The following CALN1 variants were observed in gnomAD, a reference collection of about 807,000 sequenced individuals.
CALN1 encodes calcium-binding protein 8.
In CALN1, 17 loss-of-function variants were observed where a neutral mutation model predicts 30.6. The ratio of observed to expected loss-of-function variants is 0.56; its 90% CI spans 0.38 to 0.83. The LOEUF is 0.83. Ranked by LOEUF, CALN1 falls within the 40% of genes least tolerant of loss-of-function variation. CALN1 has a pLI of 0.00. For missense variants in CALN1, 291 were observed against 354.9 expected (o/e 0.82, Z 1.45); for synonymous variants, 156 against 131.4 (o/e 1.19, Z -1.28).
At chr7:72,324,018 ACT>A (rs1171496853) in intron 2 of CALN1, among the ~76,000 whole-genome samples, 1 of 151,724 alleles carries the variant, frequency 6.6e-6, no homozygotes, top group African/African-American at 2.4e-5. Context: ...ACAGAGTGAG[ACT>A]CTGGGTTTTT....
chr7:72,198,166 G>C (rs535455324), intron 3 of CALN1, among the ~76,000 whole-genome samples: 92 of 152,300 alleles, frequency 6.0e-4, no homozygotes, highest in Middle Eastern at 3.4e-3. Flanking sequence ...AACATGCTTA[G>C]AAGGAAGAGG....
At chr7:72,450,308 T>A (rs973214482), upstream of CALN1, among the ~76,000 whole-genome samples, 1 of 152,168 alleles carries the variant, frequency 6.6e-6, no homozygotes, top group Non-Finnish European at 1.5e-5. Flanking sequence ...CATCTTCTCT[T>A]CCCCTTAAAG....
chr7:72,379,471 T>C (rs1260161514), intron 2 of CALN1, among the ~76,000 whole-genome samples: 2 of 152,346 alleles, frequency 1.3e-5, no homozygotes, highest in African/African-American at 2.4e-5. Flanking sequence ...ACAACAGATA[T>C]ACCAGAAAAG....
At chr7:72,372,815 G>A (rs893400240) in intron 2 of CALN1, among the ~76,000 whole-genome samples, 3 of 152,056 alleles carry the variant, frequency 2.0e-5, no homozygotes, top group African/African-American at 7.2e-5. Flanking sequence ...CCTGAATCAC[G>A]TAACAAAATA....
chr7:72,218,306 G>C (rs917310630), intron 3 of CALN1, among the ~76,000 whole-genome samples: 5 of 151,772 alleles, frequency 3.3e-5, no homozygotes, highest in Admixed American at 6.6e-5. Flanking sequence ...AAATTATCCG[G>C]GCATGGTGGC....
At chr7:72,415,507 T>C (rs150972148), upstream of CALN1, among the ~76,000 whole-genome samples, 209 of 152,354 alleles carry the variant, frequency 1.4e-3, 1 homozygote, top group African/African-American at 4.0e-3. Context: ...GAAATCCAGA[T>C]TGTTAATAAA....
chr7:71,925,411 A>G (rs993829321), intron 5 of CALN1, among the ~76,000 whole-genome samples: 1 of 151,874 alleles, frequency 6.6e-6, no homozygotes, highest in African/African-American at 2.4e-5. Context: ...TTCTGCTTTA[A>G]GAATGTCCTT....
chr7:71,795,819 T>C (rs949924444), intron 6 of CALN1, among the ~76,000 whole-genome samples: 3 of 140,496 alleles, frequency 2.1e-5, no homozygotes, highest in Non-Finnish European at 4.6e-5. Context: ...TCATTCTTTT[T>C]TTTTTTTTTT....
chr7:72,218,223 CG>C (rs1354931395), intron 3 of CALN1, among the ~76,000 whole-genome samples: 1 of 151,568 alleles, frequency 6.6e-6, no homozygotes, highest in Non-Finnish European at 1.5e-5. Context: ...ACGAGGCAGG[CG>C]GATCACCAGG....
chr7:72,059,059 A>G (rs2129536836), intron 4 of CALN1, among the ~76,000 whole-genome samples: 1 of 152,364 alleles, frequency 6.6e-6, no homozygotes, highest in Non-Finnish European at 1.5e-5. Context: ...AAAACTTTAG[A>G]AATGGATTAA....
chr7:72,384,546 A>T (rs1025081308), intron 2 of CALN1, among the ~76,000 whole-genome samples: 1 of 151,998 alleles, frequency 6.6e-6, no homozygotes, highest in Non-Finnish European at 1.5e-5. Context: ...ACAGGGGAGG[A>T]TTGCTTGAGC....
intron 5 of CALN1, among the ~76,000 whole-genome samples, chr7:71,922,842 TAA>T (rs1482378712): frequency 7.4e-6 from 1 of 135,728 alleles, no homozygotes; most frequent in East Asian, 2.0e-4. Flanking sequence ...TATAAATATA[TAA>T]TATATAATAT....
chr7:72,205,551 A>AAATATATACATACATAT lies in CALN1; in HGVS notation c.244+73134_244+73135insATATGTATGTATATATT. ...ATTTTTCTCCTGATTGCAAAAAAAA[A>AAATATATACATACATAT]ATATATATATATATATGTATATATA... On this transcript the variant is annotated intron_variant, in intron 3 of 6. Coordinates refer to ENST00000395275, the MANE Select transcript of CALN1 (RefSeq NM_031468.4). Among the ~76,000 whole-genome samples, 63 of 83,040 alleles carry AAATATATACATACATAT rather than the reference A, an allele frequency of 7.6e-4. 6 individuals are homozygous for AAATATATACATACATAT. Among genetic ancestry groups the AAATATATACATACATAT allele is most frequent in the African/African-American group, 4.7e-3 (63 of 13,442 alleles). The allele number at this position is 83,040 out of a possible 152,430, so 54.5% of individuals were successfully genotyped here.
intron 5 of CALN1, among the ~76,000 whole-genome samples, chr7:71,917,454 A>G (rs1218572078): frequency 2.0e-5 from 3 of 152,208 alleles, no homozygotes. Flanking sequence ...GGTAACTATA[A>G]ATGGTGATGA....
the CALN1 span, among the ~76,000 whole-genome samples, chr7:72,491,168 C>T: frequency 4.0e-5 from 6 of 151,356 alleles, no homozygotes; most frequent in South Asian, 2.1e-4. Context: ...GGCGTGAACC[C>T]GGAAGGCGGA....
chr7:72,403,234 G>GGGGGAAGAAGACTTGCCAGGT lies in CALN1; in HGVS notation c.115_119+16dup. 1.9e-6 allele frequency: 3 copies of GGGGGAAGAAGACTTGCCAGGT among 1,541,596 alleles called. No homozygotes were observed. The highest frequency in any genetic ancestry group is 2.4e-5 in the South Asian group (2 of 83,822). Reference sequence around the variant, plus strand: ...CCAAACAATCTAGGTCCTTGGGTTTGGGGGAAGAAGACTTGCCAGGTGGGG... The same window carrying GGGGGAAGAAGACTTGCCAGGT: ...CCAAACAATCTAGGTCCTTGGGTTTGGGGGAAGAAGACTTGCCAGGTGGGGAAGAAGACTTGCCAGGTGGGG... On this transcript the variant is annotated intron_variant, in intron 2 of 6. Transcript: ENST00000395275.
the CALN1 span, among the ~76,000 whole-genome samples, chr7:72,486,234 AC>A: frequency 1.3e-4 from 20 of 152,304 alleles, no homozygotes; most frequent in South Asian, 1.5e-3. Context: ...ATCTTATGGG[AC>A]CACCGTTGTA....
At chr7:72,210,896 T>A (rs1471483118) in intron 3 of CALN1, among the ~76,000 whole-genome samples, 1 of 148,314 alleles carries the variant, frequency 6.7e-6, no homozygotes, top group Non-Finnish European at 1.5e-5. Flanking sequence ...AGAAAAAAAT[T>A]AAAAAAAAAA....
chr7:72,215,681 T>C (rs1792746663), intron 3 of CALN1, among the ~76,000 whole-genome samples: 1 of 151,658 alleles, frequency 6.6e-6, no homozygotes, highest in Non-Finnish European at 1.5e-5. Context: ...GCAAAAGACT[T>C]GAAATAAAGA....
Sources: gnomAD v4.1 joint callset for allele counts (sites outside exome capture counted in the v4.1 genomes callset) on GRCh38, gnomAD v4.1.1 for gene constraint, MANE v1.5 for transcripts, NCBI Gene and HGNC (gene_info 2026-07-23, HGNC 2026-07-21) for gene names.